EFR3B: variants seen among roughly 807,000 people sequenced by gnomAD.
The protein encoded by EFR3B is EFR3 homolog B.
A neutral mutation model predicts 104.7 loss-of-function variants in EFR3B; 64 were observed. The ratio of observed to expected loss-of-function variants is 0.61; its 90% CI spans 0.50 to 0.75. The LOEUF (loss-of-function observed/expected upper bound fraction) is 0.75, where lower values mean the gene tolerates loss of function less well. Ranked by LOEUF, EFR3B falls within the 30% of genes least tolerant of loss-of-function variation. The probability of loss-of-function intolerance (pLI) is 0.00; values close to 1 mark genes in which losing one functional copy is unlikely to be tolerated. For synonymous variants in EFR3B, 385 were observed against 417.9 expected (o/e 0.92, Z 0.96); for missense variants, 750 against 1,078.5 (o/e 0.70, Z 4.27).
intron 3 of EFR3B, 121 bp downstream of exon 3, chr2:25,093,251 T>G: frequency 2.3e-6 from 3 of 1,306,606 alleles, no homozygotes; most frequent in Non-Finnish European, 2.0e-6. Context: ...TCCCAGCGCT[T>G]TGGGAGGTCA....
Position 25,103,889 on chromosome 2 carries a change from C to A in EFR3B, c.363+102C>A. ...TCGGCACTGTCATGTTCTGTTCCTT[C>A]TTGGTTCCCAACCCTAAGTGTGACA... On this transcript the variant is annotated intron_variant, in intron 4 of 22. Coordinates refer to ENST00000403714, the MANE Select transcript of EFR3B (RefSeq NM_014971.2). 3 of 1,420,050 alleles carry A rather than the reference C, an allele frequency of 2.1e-6. No individual in the cohort carries two copies. The African/African-American group carries it at 4.3e-5, about 20-fold the overall frequency. 88.0% of individuals were successfully genotyped at this position (1,420,050 alleles called of 1,614,324 possible).
intron 4 of EFR3B, among the ~76,000 whole-genome samples, chr2:25,113,611 C>T (rs1234201152): frequency 2.7e-5 from 4 of 148,892 alleles, no homozygotes; most frequent in East Asian, 2.0e-4. Context: ...GAGCTTGCAG[C>T]GAGCCGAGAT....
intron 3 of EFR3B, among the ~76,000 whole-genome samples, chr2:25,100,899 A>G (rs1669414579): frequency 6.6e-6 from 1 of 152,244 alleles, no homozygotes; most frequent in Admixed American, 6.5e-5. Context: ...CCAAACTCTG[A>G]GTCCATGAAG....
At chr2:25,151,562 T>G (rs1420401242) in intron 20 of EFR3B, among the ~76,000 whole-genome samples, 3 of 152,022 alleles carry the variant, frequency 2.0e-5, no homozygotes, top group Non-Finnish European at 4.4e-5. Flanking sequence ...AGCCTCAATG[T>G]CCCTTTTCAA....
chr2:25,090,739 T>A (rs1669088863), intron 1 of EFR3B, among the ~76,000 whole-genome samples: 1 of 152,174 alleles, frequency 6.6e-6, no homozygotes, highest in East Asian at 1.9e-4. Context: ...TAGTTGCACA[T>A]AACTTTCTAT....
In EFR3B at chr2:25,132,999, A is replaced by G. The variant is rs1298048403; in HGVS notation, c.1244A>G (p.Asp415Gly). Residue 415 changes from aspartate to glycine, a missense_variant, in exon 11 of 23, where the codon GAC becomes GGC. Physicochemically the swap from Asp to Gly is moderately conservative, Grantham distance 94 (BLOSUM62 -1). Coordinates refer to ENST00000403714, the MANE Select transcript of EFR3B (RefSeq NM_014971.2). ...VPRPSLHQAV[D>G]TGRTGENRNR... ...CGGCCATCCCTGCACCAGGCGGTGG[A>G]CACAGGCAGGACGGGGTGAGCCACC... 2 of 1,551,548 alleles carry G rather than the reference A, an allele frequency of 1.3e-6. No individual in the cohort carries two copies. The highest frequency in any genetic ancestry group is 1.7e-6 in the Non-Finnish European group (2 of 1,146,926).
At chr2:25,098,097 C>T (rs1161020691) in intron 3 of EFR3B, among the ~76,000 whole-genome samples, 1 of 152,156 alleles carries the variant, frequency 6.6e-6, no homozygotes, top group Non-Finnish European at 1.5e-5. Flanking sequence ...AGGGATACCG[C>T]AGACCCCTAC....
intron 1 of EFR3B, among the ~76,000 whole-genome samples, chr2:25,043,975 T>C (rs1667648589): frequency 6.6e-6 from 1 of 152,162 alleles, no homozygotes; most frequent in African/African-American, 2.4e-5. Context: ...ACCCGAGATA[T>C]CTGAAGGTGG....
chr2:25,066,500 G>A (rs552971554), intron 1 of EFR3B, among the ~76,000 whole-genome samples: 1 of 152,210 alleles, frequency 6.6e-6, no homozygotes, highest in South Asian at 2.1e-4. Context: ...CACTTTTGCT[G>A]ATGCTATTCC....
chr2:25,103,770 A>G lies in EFR3B; in HGVS notation c.346A>G (p.Ile116Val). ...LLESEKPNLQ[I>V]LGTNSFVKFA... is the part of the protein sequence containing the mutation. ...GGAGTCAGAGAAACCCAACCTGCAG[A>G]TCCTCGGCACCAACTCGGTAAGGAG... is the stretch of plus-strand genomic sequence containing the variant. The change falls in exon 4 of 23, where the codon ATC becomes GTC. Residue 116 changes from isoleucine to valine, a missense_variant. Ile to Val is a conservative substitution (Grantham distance 29). Transcript: ENST00000403714. The G allele has an allele frequency of 6.4e-7, 1 of 1,551,584 alleles. No homozygotes were observed. The highest frequency in any genetic ancestry group is 8.7e-7 in the Non-Finnish European group (1 of 1,146,944).
chr2:25,070,778 G>A (rs933790558), intron 1 of EFR3B, among the ~76,000 whole-genome samples: 5 of 152,184 alleles, frequency 3.3e-5, no homozygotes, highest in Admixed American at 6.5e-5. Flanking sequence ...GATGGAGGGC[G>A]CAGAGGCTCA....
chr2:25,079,844 G>C lies in EFR3B; in HGVS notation c.8-11481G>C, dbSNP rs1335733312. ...AAAAAGAACAATAACACAGAACACA[G>C]TATCCTTAATGATTATAGCACATTT... is the stretch of plus-strand genomic sequence containing the variant. On this transcript the variant is annotated intron_variant, in intron 1 of 22. Transcript: ENST00000403714. 13 of 849,008 alleles carry C rather than the reference G, an allele frequency of 1.5e-5. No homozygotes were observed. The East Asian group carries it at 3.4e-4, about 22-fold the overall frequency. 52.6% of individuals were successfully genotyped at this position (849,008 alleles called of 1,614,324 possible). A position where few individuals can be genotyped will look rare whatever the true frequency, so the allele number is the denominator to read the frequency against.
At chr2:25,133,279 C>T (rs746111591) in intron 11 of EFR3B, 104 bp from the exon 12 acceptor site, 121 of 1,279,078 alleles carry the variant, frequency 9.5e-5, no homozygotes, top group Admixed American at 9.1e-4. Flanking sequence ...TAACCCAACA[C>T]GATAAGCCTC....
intron 5 of EFR3B, 22 bp from the exon 6 acceptor site, chr2:25,128,161 C>T (rs1377416633): frequency 3.2e-6 from 5 of 1,551,436 alleles, no homozygotes; most frequent in South Asian, 1.2e-5. Context: ...TTCCGAGTCC[C>T]ACTTCACCCT....
intron 5 of EFR3B, among the ~76,000 whole-genome samples, chr2:25,125,877 G>A (rs139862181): frequency 0.033 from 5,092 of 152,330 alleles, 131 homozygotes; most frequent in South Asian, 0.12. Context: ...GAACCCGGGA[G>A]GCGGAGGTTG....
intron 1 of EFR3B, among the ~76,000 whole-genome samples, chr2:25,043,884 C>G (rs574920405): frequency 6.6e-6 from 1 of 152,286 alleles, no homozygotes; most frequent in East Asian, 1.9e-4. Context: ...TTAGGACAGG[C>G]TCATCAGAAT....
chr2:25,054,318 A>G (rs1193928710), intron 1 of EFR3B, among the ~76,000 whole-genome samples: 1 of 151,980 alleles, frequency 6.6e-6, no homozygotes, highest in Non-Finnish European at 1.5e-5. Context: ...TTACCATGCA[A>G]GTAATTCATT....
chr2:25,079,960 CAG>C, intron 1 of EFR3B: 1 of 1,197,404 alleles, frequency 8.4e-7, no homozygotes. Context: ...TCCGCTGTTT[CAG>C]AGAGCCTTCT....
At chr2:25,048,990 C>T (rs1667794933) in intron 1 of EFR3B, among the ~76,000 whole-genome samples, 2 of 152,092 alleles carry the variant, frequency 1.3e-5, no homozygotes, top group Middle Eastern at 3.4e-3. Flanking sequence ...AGTTTGTATC[C>T]GTTGTACTCC....
Sources: gnomAD v4.1 joint callset for allele counts (sites outside exome capture counted in the v4.1 genomes callset) on GRCh38, gnomAD v4.1.1 for gene constraint, MANE v1.5 for transcripts, NCBI Gene and HGNC (gene_info 2026-07-23, HGNC 2026-07-21) for gene names.